Variants in CSMD1 observed in about 807,000 individuals in gnomAD.
CSMD1 encodes the protein CUB and sushi domain-containing protein 1.
Under a neutral mutation model 417.5 loss-of-function variants are expected in CSMD1, and 213 were observed. The observed-to-expected ratio is 0.51, with a 90% CI of 0.46 to 0.57. CSMD1 has a LOEUF of 0.57. Among genes scored for constraint, CSMD1 ranks in the 20% least tolerant of loss-of-function variants. CSMD1 has a pLI of 0.00. For synonymous variants in CSMD1, 2,862 were observed against 1,736.8 expected, an observed-to-expected ratio of 1.65 and a Z score of -16.11; for missense variants, 6,923 against 4,529.7, an observed-to-expected ratio of 1.53 and a Z score of -15.17.
At chr8:4,101,099 C>A (rs746236100) in intron 3 of CSMD1, among the ~76,000 whole-genome samples, 16 of 152,158 alleles carry the variant, frequency 1.1e-4, no homozygotes, top group Admixed American at 3.9e-4. Context: ...ATGCATCTAC[C>A]GGTTAACCAG....
At chr8:4,344,249 A>G (rs986174170) in intron 3 of CSMD1, among the ~76,000 whole-genome samples, 1 of 152,110 alleles carries the variant, frequency 6.6e-6, no homozygotes, top group African/African-American at 2.4e-5. Flanking sequence ...TGACACAATC[A>G]TCTTTACACG....
chr8:3,456,930 C>A (rs981534125), intron 12 of CSMD1, among the ~76,000 whole-genome samples: 2 of 152,006 alleles, frequency 1.3e-5, no homozygotes, highest in Non-Finnish European at 2.9e-5. Context: ...CTGGAGCCCT[C>A]CTGCTGCACT....
chr8:3,806,305 A>AATTC (rs1228956984), intron 5 of CSMD1, among the ~76,000 whole-genome samples: 2 of 152,194 alleles, frequency 1.3e-5, no homozygotes, highest in African/African-American at 4.8e-5. Context: ...TGATGGCCTT[A>AATTC]ATTCTTTGGG....
At chr8:4,424,656 T>C (rs899800800) in intron 2 of CSMD1, among the ~76,000 whole-genome samples, 1 of 152,048 alleles carries the variant, frequency 6.6e-6, no homozygotes, top group African/African-American at 2.4e-5. Context: ...TCCGAAGAAG[T>C]TTGACATTTC....
intron 3 of CSMD1, among the ~76,000 whole-genome samples, chr8:4,245,886 T>C (rs1387871657): frequency 6.6e-6 from 1 of 152,162 alleles, no homozygotes; most frequent in East Asian, 1.9e-4. Context: ...CAGGGTATAC[T>C]TTTCATACAT....
At chr8:3,778,589 G>T (rs982243036) in intron 5 of CSMD1, among the ~76,000 whole-genome samples, 4 of 152,190 alleles carry the variant, frequency 2.6e-5, no homozygotes, top group African/African-American at 7.2e-5. Context: ...GCAGAAAAGA[G>T]CATCAGTGCC....
chr8:3,583,918 A>C (rs1800489807), intron 9 of CSMD1, among the ~76,000 whole-genome samples: 1 of 151,600 alleles, frequency 6.6e-6, no homozygotes, highest in Admixed American at 6.6e-5. Context: ...TGTCCCTCTG[A>C]AGTGTCAGCA....
intron 2 of CSMD1, among the ~76,000 whole-genome samples, chr8:4,455,058 G>C (rs769928518): frequency 5.9e-5 from 9 of 152,102 alleles, no homozygotes; most frequent in Admixed American, 2.0e-4. Flanking sequence ...ACCATGTTTA[G>C]GCTGGGAAAC....
At chr8:3,483,460 T>C (rs1360480865) in intron 11 of CSMD1, among the ~76,000 whole-genome samples, 2 of 152,070 alleles carry the variant, frequency 1.3e-5, no homozygotes, top group African/African-American at 4.8e-5. Flanking sequence ...TAAATAGTCC[T>C]TTATTATAGA....
intron 12 of CSMD1, among the ~76,000 whole-genome samples, chr8:3,467,314 T>G (rs1816841494): frequency 6.6e-6 from 1 of 152,322 alleles, no homozygotes; most frequent in African/African-American, 2.4e-5. Context: ...ATTTGCCCTG[T>G]TGGGAAGTGT....
intron 5 of CSMD1, among the ~76,000 whole-genome samples, chr8:3,851,052 T>A (rs1563144296): frequency 6.6e-6 from 1 of 152,192 alleles, no homozygotes; most frequent in Non-Finnish European, 1.5e-5. Flanking sequence ...TTTGTAGAAA[T>A]GAATGTAGAA....
intron 2 of CSMD1, among the ~76,000 whole-genome samples, chr8:4,618,644 C>A (rs115813771): frequency 6.6e-6 from 1 of 151,966 alleles, no homozygotes; most frequent in Non-Finnish European, 1.5e-5. Flanking sequence ...CTTGGGAAAC[C>A]GTTAAATTAT....
At position 4,061,119 on chromosome 8, in the gene CSMD1, T is replaced by C. The variant is rs186946877; in HGVS notation, c.416-29020A>G. ...TGATATCTTATGGAGAATATAAAGA[T>C]GGGCTCCAGCAGGCTCATCTCATCC... On this transcript the variant is annotated intron_variant, in intron 3 of 69. Transcript: ENST00000635120. Among the ~76,000 whole-genome samples the C allele has an allele frequency of 5.9e-5, 9 of 152,320 alleles. No individual in the cohort carries two copies. In the East Asian group the frequency reaches 1.5e-3, roughly 26 times the overall value.
intron 10 of CSMD1, among the ~76,000 whole-genome samples, chr8:3,551,785 A>C (rs1384694546): frequency 6.6e-6 from 1 of 152,070 alleles, no homozygotes; most frequent in African/African-American, 2.4e-5. Context: ...TGTTCTCTGT[A>C]ATGTGATCAT....
At chr8:3,712,397 AGAGACAGACAGACAG>A (rs1424571382) in intron 6 of CSMD1, among the ~76,000 whole-genome samples, 13 of 23,612 alleles carry the variant, frequency 5.5e-4, no homozygotes, top group Admixed American at 2.6e-3. Context: ...AGAGAGAGAG[AGAGACAGACAGACAG>A]ACAGACAGAC....
intron 5 of CSMD1, among the ~76,000 whole-genome samples, chr8:3,914,897 C>T (rs1584956652): frequency 1.3e-5 from 2 of 152,076 alleles, no homozygotes; most frequent in African/African-American, 4.8e-5. Flanking sequence ...TGAAATCTTA[C>T]AGAATAACTC....
chr8:3,208,925 G>C (rs1382094975), intron 30 of CSMD1, among the ~76,000 whole-genome samples: 1 of 152,150 alleles, frequency 6.6e-6, no homozygotes, highest in Non-Finnish European at 1.5e-5. Context: ...GTGGGAATTT[G>C]TGATCATGTG....
intron 5 of CSMD1, among the ~76,000 whole-genome samples, chr8:3,798,139 G>A (rs1800263069): frequency 6.6e-6 from 1 of 151,916 alleles, no homozygotes; most frequent in Non-Finnish European, 1.5e-5. Flanking sequence ...ATATAAATAT[G>A]TTTAGTGCAT....
At chr8:3,105,118 T>C (rs1162176002) in intron 46 of CSMD1, among the ~76,000 whole-genome samples, 2 of 152,236 alleles carry the variant, frequency 1.3e-5, no homozygotes, top group East Asian at 3.8e-4. Flanking sequence ...GCAGTTAACA[T>C]TATAAAACAC....
Sources: allele counts gnomAD v4.1 joint callset (sites outside exome capture counted in the v4.1 genomes callset), GRCh38; gene constraint gnomAD v4.1.1; transcripts MANE v1.5; gene names NCBI Gene and HGNC (gene_info 2026-07-23, HGNC 2026-07-21).